SLCO1A2: variants seen among roughly 807,000 people sequenced by gnomAD.
SLCO1A2 encodes OATP-1.
In SLCO1A2, 67 loss-of-function variants were observed where a neutral mutation model predicts 69.0. That is an observed-to-expected ratio of 0.97 (90% CI 0.80 to 1.19). SLCO1A2 has a LOEUF of 1.19. Ranked by LOEUF, SLCO1A2 falls within the 50% of genes most tolerant of loss-of-function variation. The pLI, the probability that SLCO1A2 is intolerant of heterozygous loss-of-function variation, is 0.00. For synonymous variants in SLCO1A2, 260 were observed against 265.9 expected (o/e 0.98, Z 0.22); for missense variants, 787 against 793.7 (o/e 0.99, Z 0.10).
chr12:21,378,293 C>A (rs1242505102), intron 1 of SLCO1A2: 1 of 1,614,040 alleles, frequency 6.2e-7, no homozygotes, highest in South Asian at 1.1e-5. Context: ...CAGCGCCTGG[C>A]AAATTTTTTA....
chr12:21,324,549 A>G (rs545160786), intron 2 of SLCO1A2: 1 of 152,344 alleles, frequency 6.6e-6, no homozygotes, highest in Admixed American at 6.5e-5. Context: ...GACTCTTACT[A>G]AACTTATGCA....
At chr12:21,311,264 C>G (rs1435361344) in intron 4 of SLCO1A2, among the ~76,000 whole-genome samples, 2 of 152,120 alleles carry the variant, frequency 1.3e-5, no homozygotes, top group Non-Finnish European at 2.9e-5. Flanking sequence ...ATCTTGAACC[C>G]CTCAGGGTTA....
In SLCO1A2 at chr12:21,334,800, T is replaced by C. The variant is rs951024059; in HGVS notation, c.-63+27A>G. ...TAAGTGCTGAAAATGAACAACATAA[T>C]TGAAATCCATTGCATTACAAAAATA... On this transcript the variant is annotated intron_variant, in intron 1 of 14. Coordinates refer to ENST00000683939, the MANE Select transcript of SLCO1A2 (RefSeq NM_001386879.1). 3 of 592,656 alleles carry C rather than the reference T, an allele frequency of 5.1e-6. No individual in the cohort carries two copies. The African/African-American group carries it at 5.8e-5, about 11-fold the overall frequency. 36.7% of individuals were successfully genotyped at this position (592,656 alleles called of 1,614,324 possible).
intron 1 of SLCO1A2, among the ~76,000 whole-genome samples, chr12:21,394,657 G>A (rs1941342187): frequency 6.6e-6 from 1 of 151,890 alleles, no homozygotes; most frequent in Non-Finnish European, 1.5e-5. Context: ...TCCTGAACAA[G>A]GTGATACGGC....
At chr12:21,348,924 G>A (rs1197047235) in intron 2 of SLCO1A2, among the ~76,000 whole-genome samples, 4 of 152,158 alleles carry the variant, frequency 2.6e-5, no homozygotes, top group Non-Finnish European at 5.9e-5. Context: ...CCTTCGGGTG[G>A]TAATGATGGG....
intron 1 of SLCO1A2, among the ~76,000 whole-genome samples, chr12:21,406,971 C>T (rs1240377828): frequency 1.3e-5 from 2 of 152,088 alleles, no homozygotes; most frequent in Admixed American, 6.6e-5. Context: ...AGACACATTG[C>T]GTATGTTCAA....
At chr12:21,363,028 C>G (rs1175322017) in intron 2 of SLCO1A2, among the ~76,000 whole-genome samples, 1 of 152,204 alleles carries the variant, frequency 6.6e-6, no homozygotes. Context: ...TTAAACTCAG[C>G]TCTGCACCAA....
chr12:21,366,413 G>C (rs1490895401), intron 2 of SLCO1A2, among the ~76,000 whole-genome samples: 1 of 148,778 alleles, frequency 6.7e-6, no homozygotes, highest in Non-Finnish European at 1.5e-5. Context: ...GTGGGCGGGG[G>C]AGGGATAGCA....
chr12:21,288,245 C>T (rs1946272965), intron 12 of SLCO1A2, among the ~76,000 whole-genome samples: 2 of 152,074 alleles, frequency 1.3e-5, no homozygotes, highest in South Asian at 4.1e-4. Context: ...ACTTCAAGAC[C>T]AGCCGGGCCA....
chr12:21,286,045 A>G (rs1250805964), intron 12 of SLCO1A2, among the ~76,000 whole-genome samples: 4 of 151,892 alleles, frequency 2.6e-5, no homozygotes, highest in African/African-American at 9.7e-5. Flanking sequence ...AAGGTATTCA[A>G]TTAGGAAAAG....
At chr12:21,320,335 A>G (rs569472353) in intron 2 of SLCO1A2, among the ~76,000 whole-genome samples, 20 of 152,182 alleles carry the variant, frequency 1.3e-4, no homozygotes, top group African/African-American at 4.6e-4. Context: ...ACTTACCTCT[A>G]TCCCTACCTT....
intron 12 of SLCO1A2, among the ~76,000 whole-genome samples, chr12:21,276,681 C>A (rs1258795868): frequency 1.3e-5 from 2 of 152,176 alleles, no homozygotes. Flanking sequence ...AACACCAGCC[C>A]TCCCATCCCC....
intron 1 of SLCO1A2, among the ~76,000 whole-genome samples, chr12:21,386,091 G>C (rs1031166527): frequency 1.3e-5 from 2 of 152,134 alleles, no homozygotes; most frequent in African/African-American, 4.8e-5. Context: ...AAAATGTAAA[G>C]AATGTCCTGC....
At chr12:21,373,258 A>C (rs1348285225) in intron 2 of SLCO1A2, 1 of 907,758 alleles carries the variant, frequency 1.1e-6, no homozygotes, top group East Asian at 2.5e-5. Flanking sequence ...TTCTTTTAAA[A>C]ACTAAGCTCT....
chr12:21,362,300 A>G (rs1938970759), intron 2 of SLCO1A2, among the ~76,000 whole-genome samples: 2 of 152,188 alleles, frequency 1.3e-5, no homozygotes, highest in South Asian at 4.1e-4. Flanking sequence ...AGTCAAACTA[A>G]GCTTCATACG....
chr12:21,342,933 G>A (rs993471106), intron 2 of SLCO1A2, among the ~76,000 whole-genome samples: 28 of 152,148 alleles, frequency 1.8e-4, no homozygotes, highest in African/African-American at 6.7e-4. Flanking sequence ...GCTCTAGGGG[G>A]AAAAGTACAC....
At chr12:21,291,330 A>G (rs1946813037) in intron 12 of SLCO1A2, among the ~76,000 whole-genome samples, 1 of 152,232 alleles carries the variant, frequency 6.6e-6, no homozygotes, top group Non-Finnish European at 1.5e-5. Flanking sequence ...AAGGAAATAC[A>G]TATTTAAGAC....
chr12:21,363,918 C>CA lies in SLCO1A2; in HGVS notation c.-63+10480dup, dbSNP rs536441024. Among the ~76,000 whole-genome samples, 694 of 151,968 alleles carry CA rather than the reference C, an allele frequency of 4.6e-3. 2 individuals carry two copies. Among genetic ancestry groups the CA allele is most frequent in the Non-Finnish European group, 7.2e-3 (492 of 67,936 alleles). ...AGGCAATAATTAATAGCCTACCAAC[C>CA]AAAAAAAGTCCAGGACCAGATGGAT... is the stretch of plus-strand genomic sequence containing the variant. On this transcript the variant is annotated intron_variant, in intron 2 of 15. Transcript: ENST00000307378.
upstream of SLCO1A2, chr12:21,419,216 C>G (rs1022816670): frequency 6.4e-6 from 1 of 155,354 alleles, no homozygotes; most frequent in Non-Finnish European, 1.4e-5. Flanking sequence ...TCGAGCTCCC[C>G]CAAGATGGCC....
Sources: allele counts gnomAD v4.1 joint callset (sites outside exome capture counted in the v4.1 genomes callset), GRCh38; gene constraint gnomAD v4.1.1; transcripts MANE v1.5; gene names NCBI Gene and HGNC (gene_info 2026-07-23, HGNC 2026-07-21).